The following NBPF9 variants were observed in gnomAD, a reference collection of about 807,000 sequenced individuals.
NBPF9 encodes NBPF family member NBPF9.
Under a neutral mutation model 97.8 loss-of-function variants are expected in NBPF9, and 91 were observed. That is an observed-to-expected ratio of 0.93 (90% confidence interval 0.79 to 1.11). The LOEUF (loss-of-function observed/expected upper bound fraction) is 1.11. Among genes scored for constraint, NBPF9 ranks in the 50% least tolerant of loss-of-function variants. The pLI is 0.00. For synonymous variants in NBPF9, 334 were observed against 359.5 expected (o/e 0.93, Z 0.80); for missense variants, 992 against 939.5 (o/e 1.06, Z -0.73).
At chr1:149,064,011 G>C (rs878885819) in intron 19 of NBPF9, among the ~76,000 whole-genome samples, 9 of 98,456 alleles carry the variant, frequency 9.1e-5, no homozygotes, top group South Asian at 6.8e-4. Context: ...CACACACACA[G>C]ACACAGACAC....
At chr1:149,063,889 G>C (rs1202039909) in intron 19 of NBPF9, 84 bp from the exon 20 acceptor site, 388 of 677,378 alleles carry the variant, frequency 5.7e-4, no homozygotes, top group Non-Finnish European at 6.0e-4. Context: ...GCTAACATAA[G>C]GAAGAGTTTG....
chr1:149,075,190 G>A (rs1364587170), intron 12 of NBPF9, among the ~76,000 whole-genome samples: 1 of 151,772 alleles, frequency 6.6e-6, no homozygotes, highest in Admixed American at 6.6e-5. Context: ...GCCCCTCAGA[G>A]CAGGTACTGG....
At chr1:149,079,489 C>T (rs1305574552) in intron 8 of NBPF9, among the ~76,000 whole-genome samples, 6 of 151,048 alleles carry the variant, frequency 4.0e-5, no homozygotes, top group Non-Finnish European at 8.8e-5. Context: ...TTCCTAATTC[C>T]CTTTCAGAAA....
At chr1:149,071,267 A>T (rs2079386595) in intron 15 of NBPF9, 128 bp from the exon 16 acceptor site, 2 of 1,369,310 alleles carry the variant, frequency 1.5e-6, no homozygotes, top group South Asian at 2.4e-5. Flanking sequence ...GGAGGTTCCC[A>T]TTAAGAGGGA....
At chr1:149,070,774 G>T (rs1247599674) in intron 16 of NBPF9, among the ~76,000 whole-genome samples, 160 bp downstream of exon 16, 40 of 152,204 alleles carry the variant, frequency 2.6e-4, no homozygotes, top group East Asian at 1.5e-3. Context: ...GCAGACAAAG[G>T]CATGACATTA....
intron 5 of NBPF9, among the ~76,000 whole-genome samples, chr1:149,084,960 AT>A (rs1312952196): frequency 6.6e-6 from 1 of 151,792 alleles, no homozygotes; most frequent in Non-Finnish European, 1.5e-5. Flanking sequence ...ATCCATGGCA[AT>A]TTCATCAACA....
chr1:149,098,530 G>C, exon 4 of NBPF9: 1 of 1,501,922 alleles, frequency 6.7e-7, no homozygotes, highest in Non-Finnish European at 8.9e-7. Context: ...GTACCTCGGA[G>C]AGTCCACTGG....
In NBPF9 at chr1:149,055,901, T is replaced by C. The variant is rs587629480; in HGVS notation, c.3093-2A>G. ...ACTTCCATCAGCACGCCGTTGAGCCTGGAAAAGGAGACAAAACTAAAGAAG... is the reference window on the plus strand; with the variant it reads ...ACTTCCATCAGCACGCCGTTGAGCCCGGAAAAGGAGACAAAACTAAAGAAG... On this transcript the variant is annotated splice_acceptor_variant, in intron 29 of 29. Coordinates refer to ENST00000584027, the Ensembl canonical transcript of NBPF9. LOFTEE classifies it high-confidence loss of function. The C allele has an allele frequency of 5.6e-6, 9 of 1,611,244 alleles. No homozygotes were observed. In the East Asian group the frequency reaches 1.6e-4, roughly 28 times the overall value.
intron 5 of NBPF9, among the ~76,000 whole-genome samples, chr1:149,086,616 T>C (rs2081022842): frequency 6.6e-6 from 1 of 152,266 alleles, no homozygotes. Flanking sequence ...GACTTAGTTA[T>C]AGATTAAAAG....
chr1:149,076,594 C>G (rs1383404079), intron 11 of NBPF9, among the ~76,000 whole-genome samples: 2 of 150,348 alleles, frequency 1.3e-5, no homozygotes, highest in African/African-American at 4.9e-5. Flanking sequence ...GCTCCGGTTC[C>G]TGGGTTCATG....
rs587637793 is a variant in NBPF9 at position 149,070,027 on chromosome 1, C to T, written c.1586-382G>A. ...TTTAGAGGCATCTATACATGAAACA[C>T]GACTGATAGATAAATTTGAACAACT... On this transcript the variant is annotated intron_variant, in intron 16 of 29. Transcript: ENST00000584027. Among the ~76,000 whole-genome samples the T allele has an allele frequency of 8.2e-5, 11 of 133,594 alleles. No homozygotes were observed. In the East Asian group the frequency reaches 1.4e-3, roughly 17 times the overall value. 87.6% of individuals were successfully genotyped at this position (133,594 alleles called of 152,430 possible). A position where few individuals can be genotyped will look rare whatever the true frequency, so the allele number is the denominator to read the frequency against.
intron 14 of NBPF9, 104 bp downstream of exon 14, chr1:149,072,614 T>A: frequency 6.8e-7 from 1 of 1,464,232 alleles, no homozygotes. Context: ...ATAAGCTTAG[T>A]GGAAAAAAAC....
chr1:149,070,094 G>A (rs2079282230), intron 16 of NBPF9, among the ~76,000 whole-genome samples: 1 of 135,474 alleles, frequency 7.4e-6, no homozygotes, highest in Non-Finnish European at 1.6e-5. Context: ...GCCAAGACAG[G>A]TGAATCATTT....
intron 18 of NBPF9, chr1:149,064,962 GAA>G (rs1378341941): frequency 7.5e-6 from 4 of 533,034 alleles, no homozygotes; most frequent in Non-Finnish European, 1.3e-5. Context: ...TTTTGTGGGT[GAA>G]AAGTCAGCCA....
Position 149,080,999 on chromosome 1 carries a change from C to T in NBPF9, c.176-844G>A, listed in dbSNP as rs2080383868. Reference sequence around the variant, plus strand: ...CCCTGCTTTGCACACTGCACTGCTGCTTCCACACATTCTCGGGTGTGATCT... The same window carrying T: ...CCCTGCTTTGCACACTGCACTGCTGTTTCCACACATTCTCGGGTGTGATCT... On this transcript the variant is annotated intron_variant, in intron 7 of 29. Transcript: ENST00000584027. Among the ~76,000 whole-genome samples, 3 of 151,724 alleles carry T rather than the reference C, an allele frequency of 2.0e-5. No homozygotes were observed. In the South Asian group the frequency reaches 6.3e-4, roughly 32 times the overall value.
chr1:149,080,038 A>C lies in NBPF9; in HGVS notation c.278+15T>G. 6.3e-7 allele frequency: 1 copy of C among 1,579,290 alleles called. No individual in the cohort carries two copies. Among genetic ancestry groups the C allele is most frequent in the Non-Finnish European group, 8.7e-7 (1 of 1,155,242 alleles). ...CACACCTACCCGCCTGCCTCCCCCC[A>C]CGGGGTCCCCTCACCTGAGCTCCTC... is the stretch of plus-strand genomic sequence containing the variant. On this transcript the variant is annotated intron_variant, in intron 8 of 29. Transcript: ENST00000584027.
intron 5 of NBPF9, among the ~76,000 whole-genome samples, chr1:149,082,675 A>T (rs1436152233): frequency 6.9e-6 from 1 of 144,300 alleles, no homozygotes; most frequent in Non-Finnish European, 1.5e-5. Flanking sequence ...TGTCTGTACA[A>T]CATCATCAAG....
intron 9 of NBPF9, 133 bp downstream of exon 9, chr1:149,078,874 C>G (rs2080142010): frequency 1.3e-6 from 2 of 1,522,428 alleles, no homozygotes; most frequent in African/African-American, 2.7e-5. Flanking sequence ...CCAGGAAGTC[C>G]TGATCGTGTC....
intron 5 of NBPF9, among the ~76,000 whole-genome samples, chr1:149,086,265 T>TAA (rs1311849937): frequency 1.3e-5 from 2 of 150,516 alleles, no homozygotes; most frequent in African/African-American, 4.9e-5. Flanking sequence ...GTGGTTCAAT[T>TAA]AAATATTAAG....
Sources: allele counts gnomAD v4.1 joint callset (sites outside exome capture counted in the v4.1 genomes callset), GRCh38; gene constraint gnomAD v4.1.1; transcripts MANE v1.5; gene names NCBI Gene and HGNC (gene_info 2026-07-23, HGNC 2026-07-21).